The following KIF6 variants were observed in gnomAD, a reference collection of about 807,000 sequenced individuals.
The protein encoded by KIF6 is kinesin-like protein KIF6.
In KIF6, 106 loss-of-function variants were observed where a neutral mutation model predicts 112.7. The ratio of observed to expected loss-of-function variants is 0.94; its 90% CI spans 0.80 to 1.11. KIF6 has a LOEUF of 1.11. KIF6 is among the 50% of genes least tolerant of loss of function. The pLI, the probability that KIF6 is intolerant of heterozygous loss-of-function variation, is 0.00. For synonymous variants in KIF6, 339 were observed against 339.9 expected, an observed-to-expected ratio of 1.00 and a Z score of 0.03; for missense variants, 929 against 964.0, an observed-to-expected ratio of 0.96 and a Z score of 0.48.
intron 4 of KIF6, among the ~76,000 whole-genome samples, chr6:39,636,277 T>G (rs1279866273): frequency 1.3e-5 from 2 of 151,994 alleles, no homozygotes; most frequent in Non-Finnish European, 2.9e-5. Context: ...AAATGATAAA[T>G]GAACAATTAA....
chr6:39,669,570 C>T (rs376393082), intron 3 of KIF6, among the ~76,000 whole-genome samples: 17 of 152,116 alleles, frequency 1.1e-4, no homozygotes, highest in African/African-American at 2.7e-4. Context: ...ATTCATAGCC[C>T]GCTACTTTAA....
intron 13 of KIF6, among the ~76,000 whole-genome samples, chr6:39,469,609 G>GT (rs1009943477): frequency 1.3e-5 from 2 of 152,086 alleles, no homozygotes; most frequent in African/African-American, 2.4e-5. Context: ...ACATATGCAG[G>GT]TTTGTCATAT....
chr6:39,550,532 T>C lies in KIF6; in HGVS notation c.1182-4844A>G, dbSNP rs372466338. 9.0e-4 allele frequency among the ~76,000 whole-genome samples: 137 copies of C among 152,202 alleles called. 1 individual carries two copies. Among genetic ancestry groups the C allele is most frequent in the African/African-American group, 3.2e-3 (132 of 41,514 alleles). On this transcript the variant is annotated intron_variant, in intron 10 of 22. Coordinates refer to ENST00000287152, the MANE Select transcript of KIF6 (RefSeq NM_145027.6). ...AGCAATGGGACTGCATCCTCTAATA[T>C]CAAGCTGGAAATAGTGAGGGGGATG...
At chr6:39,387,603 TG>T (rs1452784539) in intron 15 of KIF6, among the ~76,000 whole-genome samples, 2 of 152,086 alleles carry the variant, frequency 1.3e-5, no homozygotes, top group African/African-American at 4.8e-5. Context: ...AGTGGAAACT[TG>T]ACCCAATGAT....
intron 13 of KIF6, among the ~76,000 whole-genome samples, chr6:39,433,537 A>G (rs572196944): frequency 6.6e-6 from 1 of 152,364 alleles, no homozygotes; most frequent in South Asian, 2.1e-4. Context: ...AGGGCTTATC[A>G]TCAGGAACAT....
At chr6:39,719,243 C>T (rs956155352) in intron 2 of KIF6, among the ~76,000 whole-genome samples, 10 of 151,952 alleles carry the variant, frequency 6.6e-5, no homozygotes, top group Non-Finnish European at 1.3e-4. Flanking sequence ...CGCTTGAACC[C>T]GGGAGGCGGA....
At chr6:39,600,432 A>G (rs1024259331) in intron 6 of KIF6, among the ~76,000 whole-genome samples, 9 of 152,224 alleles carry the variant, frequency 5.9e-5, no homozygotes, top group Non-Finnish European at 1.2e-4. Context: ...GTCAGGATCT[A>G]AAGCCACAAT....
chr6:39,372,143 T>C (rs1376056920), intron 16 of KIF6, among the ~76,000 whole-genome samples: 1 of 152,228 alleles, frequency 6.6e-6, no homozygotes, highest in Non-Finnish European at 1.5e-5. Context: ...AATTACTATA[T>C]AAAATGACCA....
Position 39,540,092 on chromosome 6 carries a change from C to A in KIF6, c.1556G>T (p.Gly519Val). Reference protein sequence around the residue: ...PPFRLGNPEEGQRMRLSSAPS... With the variant: ...PPFRLGNPEEVQRMRLSSAPS... ...AGCTGAGGATAGTCGCATTCTTTGACCTTCTTCTGGGTTTCCTAGGCGGAA... is the reference window on the plus strand; with the variant it reads ...AGCTGAGGATAGTCGCATTCTTTGAACTTCTTCTGGGTTTCCTAGGCGGAA... Residue 519 changes from glycine to valine, a missense_variant, in exon 13 of 23, where the codon GGT becomes GTT. Physicochemically the swap from Gly to Val is moderately radical, Grantham distance 109. Around this residue, in one of 2 missense-constraint regions of KIF6, gnomAD observed 688 missense variants for 662.7 expected, o/e 1.04. Transcript: ENST00000287152. The A allele has an allele frequency of 6.2e-7, 1 of 1,614,106 alleles. No individual in the cohort carries two copies. Among genetic ancestry groups the A allele is most frequent in the Non-Finnish European group, 8.5e-7 (1 of 1,180,000 alleles).
At chr6:39,552,993 A>C (rs923720784) in intron 10 of KIF6, among the ~76,000 whole-genome samples, 7 of 152,152 alleles carry the variant, frequency 4.6e-5, no homozygotes, top group Admixed American at 1.3e-4. Context: ...ACTATACAAA[A>C]ATTTTTCAGG....
At chr6:39,657,147 C>A (rs539360918) in intron 3 of KIF6, among the ~76,000 whole-genome samples, 1 of 151,336 alleles carries the variant, frequency 6.6e-6, no homozygotes, top group African/African-American at 2.4e-5. Context: ...GTAGGAGAAT[C>A]GCTTGAACCC....
chr6:39,549,467 T>A (rs914310638), intron 10 of KIF6, among the ~76,000 whole-genome samples: 17 of 152,202 alleles, frequency 1.1e-4, no homozygotes, highest in African/African-American at 4.1e-4. Flanking sequence ...CACAGAGATA[T>A]TACGTATCTT....
At chr6:39,408,333 T>TA (rs1339011690) in intron 15 of KIF6, among the ~76,000 whole-genome samples, 1 of 152,154 alleles carries the variant, frequency 6.6e-6, no homozygotes, top group Non-Finnish European at 1.5e-5. Flanking sequence ...AAGTTAAAAA[T>TA]ACACGTATAC....
intron 14 of KIF6, among the ~76,000 whole-genome samples, chr6:39,423,246 G>A (rs73732108): frequency 3.3e-5 from 5 of 152,072 alleles, no homozygotes; most frequent in African/African-American, 4.8e-5. Context: ...CTGGCTTCCC[G>A]TAACACCCAG....
chr6:39,625,409 A>G (rs1023686820), intron 5 of KIF6, among the ~76,000 whole-genome samples: 1 of 152,112 alleles, frequency 6.6e-6, no homozygotes, highest in Non-Finnish European at 1.5e-5. Context: ...CATCATGATT[A>G]CTGACAGTGT....
chr6:39,719,084 C>T (rs763616957), intron 2 of KIF6, among the ~76,000 whole-genome samples: 3 of 152,066 alleles, frequency 2.0e-5, no homozygotes, highest in South Asian at 2.1e-4. Flanking sequence ...TTTGAGAGGC[C>T]GAGGCAGGTG....
intron 3 of KIF6, among the ~76,000 whole-genome samples, chr6:39,676,983 T>G (rs1787180725): frequency 6.6e-6 from 1 of 152,048 alleles, no homozygotes; most frequent in Non-Finnish European, 1.5e-5. Flanking sequence ...AACTAAAGCA[T>G]AAGGATATAA....
At chr6:39,410,417 G>A (rs927320653) in intron 15 of KIF6, among the ~76,000 whole-genome samples, 34 of 152,192 alleles carry the variant, frequency 2.2e-4, no homozygotes, top group African/African-American at 8.0e-4. Flanking sequence ...ATTCAACTTA[G>A]AGCCTCAGCT....
At chr6:39,404,577 C>T (rs59974812) in intron 15 of KIF6, among the ~76,000 whole-genome samples, 8,138 of 152,232 alleles carry the variant, frequency 0.053, 686 homozygotes, top group African/African-American at 0.18. Context: ...CAGCAGCTTA[C>T]AGTAAGTCTT....
Sources: gnomAD v4.1 joint callset for allele counts (sites outside exome capture counted in the v4.1 genomes callset) on GRCh38, gnomAD v4.1.1 for gene constraint, gnomAD v4.1.1 regional missense constraint, MANE v1.5 for transcripts, NCBI Gene and HGNC (gene_info 2026-07-23, HGNC 2026-07-21) for gene names.